The following SCHIP1 variants were observed in gnomAD, a reference collection of about 807,000 sequenced individuals.
The protein encoded by SCHIP1 is schwannomin-interacting protein 1.
A neutral mutation model predicts 29.7 loss-of-function variants in SCHIP1; 8 were observed. That is an observed-to-expected ratio of 0.27 (90% confidence interval 0.16 to 0.49). The LOEUF is 0.49. Ranked by LOEUF, SCHIP1 falls within the 20% of genes least tolerant of loss-of-function variation. The pLI, the probability that SCHIP1 is intolerant of heterozygous loss-of-function variation, is 0.99. For missense variants in SCHIP1, 193 were observed against 294.6 expected (o/e 0.66, Z 2.52); for synonymous variants, 76 against 94.9 (o/e 0.80, Z 1.16).
At chr3:159,647,653 T>C in the SCHIP1 span, among the ~76,000 whole-genome samples, 1 of 152,184 alleles carries the variant, frequency 6.6e-6, no homozygotes, top group African/African-American at 2.4e-5. Context: ...TTATCGCTAA[T>C]ATTCTGATGC....
chr3:159,497,781 ATTAGT>A, the SCHIP1 span, among the ~76,000 whole-genome samples: 3 of 152,130 alleles, frequency 2.0e-5, no homozygotes, highest in Non-Finnish European at 4.4e-5. Context: ...TACTGCAGAA[ATTAGT>A]TTAGTTTGCC....
the SCHIP1 span, among the ~76,000 whole-genome samples, chr3:159,697,812 A>C: frequency 1.3e-5 from 2 of 152,348 alleles, no homozygotes; most frequent in African/African-American, 2.4e-5. Flanking sequence ...AATGTATTTC[A>C]CTTGTACAAA....
At chr3:159,844,964 C>T (rs1043083557) in intron 1 of SCHIP1, among the ~76,000 whole-genome samples, 1 of 152,238 alleles carries the variant, frequency 6.6e-6, no homozygotes, top group Non-Finnish European at 1.5e-5. Flanking sequence ...AGAGTCCCTT[C>T]TTCAAACACA....
chr3:159,337,711 C>T, the SCHIP1 span, among the ~76,000 whole-genome samples: 3 of 152,108 alleles, frequency 2.0e-5, no homozygotes, highest in African/African-American at 7.2e-5. Flanking sequence ...GGCAACTTTC[C>T]ACCCAAATTG....
chr3:159,878,807 AAAAAAAT>A (rs56991490), intron 2 of SCHIP1, among the ~76,000 whole-genome samples: 1,654 of 149,184 alleles, frequency 0.011, 32 homozygotes, highest in African/African-American at 0.038. Context: ...ATAAAAAAAT[AAAAAAAT>A]AAAAAATAAA....
the SCHIP1 span, among the ~76,000 whole-genome samples, chr3:159,346,474 A>T: frequency 1.3e-5 from 2 of 152,104 alleles, no homozygotes; most frequent in Admixed American, 1.3e-4. Context: ...TGTCAGTCAT[A>T]TAATTGATAT....
chr3:159,521,674 G>A, the SCHIP1 span, among the ~76,000 whole-genome samples: 1 of 152,186 alleles, frequency 6.6e-6, no homozygotes, highest in Non-Finnish European at 1.5e-5. Flanking sequence ...TACTGGAGCA[G>A]AATTGTAACA....
chr3:159,492,756 C>G, the SCHIP1 span, among the ~76,000 whole-genome samples: 4 of 152,088 alleles, frequency 2.6e-5, no homozygotes, highest in Non-Finnish European at 5.9e-5. Flanking sequence ...GAGAATGCCA[C>G]AAAGATACTC....
chr3:159,871,930 C>T (rs1327979240), intron 2 of SCHIP1, among the ~76,000 whole-genome samples: 3 of 152,068 alleles, frequency 2.0e-5, no homozygotes, highest in East Asian at 1.9e-4. Context: ...TCTTTGTGTT[C>T]GGTCCTACTT....
the SCHIP1 span, among the ~76,000 whole-genome samples, chr3:159,438,721 A>G: frequency 2.0e-5 from 3 of 152,108 alleles, no homozygotes; most frequent in Admixed American, 6.6e-5. Flanking sequence ...GCTCCCACTT[A>G]TAAGTGTGAA....
At chr3:159,629,485 C>G in the SCHIP1 span, among the ~76,000 whole-genome samples, 1 of 152,102 alleles carries the variant, frequency 6.6e-6, no homozygotes, top group Non-Finnish European at 1.5e-5. Context: ...AGGGATCAGG[C>G]AGTTAGTTTA....
At chr3:159,721,792 G>A in the SCHIP1 span, 1 of 433,874 alleles carries the variant, frequency 2.3e-6, no homozygotes, top group Non-Finnish European at 4.5e-6. Flanking sequence ...TTCCCCAGCT[G>A]GGCTTTGGCA....
chr3:159,595,300 G>C, the SCHIP1 span, among the ~76,000 whole-genome samples: 64 of 152,088 alleles, frequency 4.2e-4, no homozygotes, highest in Non-Finnish European at 7.4e-4. Context: ...CTATTTAACT[G>C]TCCAGAGATG....
chr3:159,593,575 T>G, the SCHIP1 span, among the ~76,000 whole-genome samples: 1 of 151,870 alleles, frequency 6.6e-6, no homozygotes, highest in African/African-American at 2.4e-5. Context: ...GATAGTGGAG[T>G]GATGAGAAGT....
At chr3:159,754,948 G>C in the SCHIP1 span, among the ~76,000 whole-genome samples, 1 of 152,162 alleles carries the variant, frequency 6.6e-6, no homozygotes, top group African/African-American at 2.4e-5. Context: ...ACAAAAGAAA[G>C]AGGCTGGCCG....
At chr3:159,671,808 TG>T in the SCHIP1 span, among the ~76,000 whole-genome samples, 1 of 152,188 alleles carries the variant, frequency 6.6e-6, no homozygotes, top group Non-Finnish European at 1.5e-5. Context: ...TCAAAACCCT[TG>T]GCGTTTTAGG....
chr3:159,530,028 T>C, the SCHIP1 span, among the ~76,000 whole-genome samples: 10 of 152,252 alleles, frequency 6.6e-5, no homozygotes, highest in African/African-American at 2.4e-4. Context: ...TTCCATATCT[T>C]GGCTATCGTG....
At chr3:159,828,401 A>ATG in the SCHIP1 span, among the ~76,000 whole-genome samples, 3 of 54,684 alleles carry the variant, frequency 5.5e-5, no homozygotes, top group African/African-American at 1.7e-4. Context: ...ATATACGTAT[A>ATG]TATATACGTA....
intron 1 of SCHIP1, among the ~76,000 whole-genome samples, chr3:159,853,963 A>C (rs913043273): frequency 3.3e-5 from 5 of 150,772 alleles, no homozygotes; most frequent in Admixed American, 6.6e-5. Flanking sequence ...ATATTTTGAG[A>C]ATGTTTTATA....
Sources: allele counts gnomAD v4.1 joint callset (sites outside exome capture counted in the v4.1 genomes callset), GRCh38; gene constraint gnomAD v4.1.1; transcripts MANE v1.5; gene names NCBI Gene and HGNC (gene_info 2026-07-23, HGNC 2026-07-21).